Variants in HERC1 observed in about 807,000 individuals in gnomAD.
HERC1 encodes HECT and RLD domain containing E3 ubiquitin protein ligase family member 1, also known as probable E3 ubiquitin-protein ligase HERC1.
HERC1 carries 160 observed loss-of-function variants against 554.3 expected under a neutral mutation model. That is an observed-to-expected ratio of 0.29 (90% CI 0.25 to 0.33). The LOEUF (loss-of-function observed/expected upper bound fraction) is 0.33. Ranked by LOEUF, HERC1 falls within the 10% of genes least tolerant of loss-of-function variation. The probability of loss-of-function intolerance (pLI) is 1.00; values close to 1 mark genes in which losing one functional copy is unlikely to be tolerated. For missense variants in HERC1, 4,919 were observed against 5,918.5 expected (o/e 0.83, Z 5.54); for synonymous variants, 2,175 against 2,131.7 (o/e 1.02, Z -0.56).
chr15:63,829,561 GTATATATA>G (rs60037018), intron 1 of HERC1, among the ~76,000 whole-genome samples: 885 of 81,722 alleles, frequency 0.011, 22 homozygotes, highest in African/African-American at 0.039. Flanking sequence ...GTGTGTGTGT[GTATATATA>G]TATATATATA....
intron 48 of HERC1, among the ~76,000 whole-genome samples, chr15:63,657,266 T>C: frequency 6.6e-6 from 1 of 150,644 alleles, no homozygotes; most frequent in Non-Finnish European, 1.5e-5. Context: ...TTAGGTTTTT[T>C]TTTTTTTTTT....
chr15:63,818,066 G>A (rs1164929345), intron 1 of HERC1, among the ~76,000 whole-genome samples: 1 of 151,986 alleles, frequency 6.6e-6, no homozygotes, highest in African/African-American at 2.4e-5. Flanking sequence ...TAATCAACAT[G>A]CTAAGCTCTC....
Position 63,694,290 on chromosome 15 carries a change from C to T in HERC1, c.5480+22G>A, listed in dbSNP as rs1409300335. ...GAAGACCAGACTTCATACAGTTCTA[C>T]AAAGACATCTACCATACTTACCCAG... On this transcript the variant is annotated intron_variant, in intron 29 of 77. Transcript: ENST00000443617. The surrounding 1 kb of genome is among the most constrained non-coding windows in gnomAD (Gnocchi z 4.3). The T allele has an allele frequency of 1.4e-5, 22 of 1,600,568 alleles. No homozygotes were observed. Among genetic ancestry groups the T allele is most frequent in the Non-Finnish European group, 1.8e-5 (21 of 1,172,732 alleles).
intron 54 of HERC1, among the ~76,000 whole-genome samples, chr15:63,649,072 C>T (rs1374065467): frequency 1.3e-5 from 2 of 152,130 alleles, no homozygotes; most frequent in South Asian, 2.1e-4. Context: ...AATTTCATCT[C>T]GGCCAGGCAC....
chr15:63,709,805 G>T (rs899604894), intron 24 of HERC1, among the ~76,000 whole-genome samples: 3 of 152,136 alleles, frequency 2.0e-5, no homozygotes, highest in African/African-American at 7.2e-5. Flanking sequence ...GGGTTTACTG[G>T]GAAGACATAC....
Position 63,718,625 on chromosome 15 carries a change from A to G in HERC1, c.3927T>C (p.Ala1309=), listed in dbSNP as rs1412702910. 1 of 1,590,914 alleles carries G rather than the reference A, an allele frequency of 6.3e-7. No individual in the cohort carries two copies. Among genetic ancestry groups the G allele is most frequent in the East Asian group, 2.2e-5 (1 of 44,500 alleles). The part of the protein sequence containing the change: ...CVYKVRSRLL[A]CKNLELIQTR... ...TTTGAATAAGTTCAAGGTTCTTGCAAGCAAGTAAACGACTTCGAACTTTGT... is the reference window on the plus strand; with the variant it reads ...TTTGAATAAGTTCAAGGTTCTTGCAGGCAAGTAAACGACTTCGAACTTTGT... The change falls in exon 21 of 78, where the codon GCT becomes GCC. Residue 1309 remains alanine (A), a synonymous_variant. Coordinates refer to ENST00000443617, the MANE Select transcript of HERC1 (RefSeq NM_003922.4). The surrounding 1 kb of genome is among the most constrained non-coding windows in gnomAD (Gnocchi z 4.2).
chr15:63,784,600 T>A (rs1050745177), intron 1 of HERC1, among the ~76,000 whole-genome samples: 15 of 101,614 alleles, frequency 1.5e-4, no homozygotes, highest in African/African-American at 2.0e-4. Flanking sequence ...TGTATTATCA[T>A]GCAAATTTTT....
At chr15:63,627,096 C>T (rs2068333148) in intron 70 of HERC1, among the ~76,000 whole-genome samples, 1 of 152,142 alleles carries the variant, frequency 6.6e-6, no homozygotes, top group South Asian at 2.1e-4. Flanking sequence ...CCTCTGAAGC[C>T]ACTGAGTACC....
At chr15:63,682,011 AG>A (rs2071505355) in intron 34 of HERC1, among the ~76,000 whole-genome samples, 1 of 152,136 alleles carries the variant, frequency 6.6e-6, no homozygotes, top group Non-Finnish European at 1.5e-5. Context: ...TCTGAATGTG[AG>A]GGTGGTCTTG....
rs2071093714 is a variant in HERC1, at chr15:63,674,390, C to A, written c.7798G>T (p.Val2600Leu). 7 of 1,613,704 alleles carry A rather than the reference C, an allele frequency of 4.3e-6. No individual in the cohort carries two copies. The highest frequency in any genetic ancestry group is 5.9e-6 in the Non-Finnish European group (7 of 1,179,802). ...ERAQAMIYKL[V>L]VHGLLEDQFG... ...TGGTCTTCCAAAAGCCCATGAACCA[C>A]TAATTTATAGATCATGGCTTGCGCT... is the stretch of plus-strand genomic sequence containing the variant. The change falls in exon 38 of 78, where the codon GTG becomes TTG. Residue 2600 changes from valine (V) to leucine (L), a missense_variant. Transcript: ENST00000443617.
chr15:63,651,501 A>G (rs2069675281), intron 52 of HERC1, 121 bp from the exon 53 acceptor site: 4 of 897,318 alleles, frequency 4.5e-6, no homozygotes, highest in Non-Finnish European at 6.7e-6. Flanking sequence ...TTCTGTTTCA[A>G]AACCTTGGCT....
chr15:63,766,836 C>A (rs1360410856), intron 2 of HERC1, among the ~76,000 whole-genome samples: 2 of 151,872 alleles, frequency 1.3e-5, no homozygotes, highest in African/African-American at 4.8e-5. Flanking sequence ...AGCCACCATG[C>A]CCAGCTAATT....
chr15:63,654,803 A>T (rs2069924957), intron 50 of HERC1, among the ~76,000 whole-genome samples: 1 of 151,306 alleles, frequency 6.6e-6, no homozygotes. Context: ...TGGGAGACGG[A>T]GGTTGCGGTG....
chr15:63,625,484 A>C (rs555900477), intron 71 of HERC1, among the ~76,000 whole-genome samples: 3 of 152,120 alleles, frequency 2.0e-5, no homozygotes, highest in African/African-American at 7.2e-5. Context: ...ATTTGAGGTC[A>C]GGAGTTCGAG....
intron 2 of HERC1, among the ~76,000 whole-genome samples, chr15:63,767,487 G>T (rs910358369): frequency 6.6e-6 from 1 of 152,000 alleles, no homozygotes; most frequent in African/African-American, 2.4e-5. Context: ...ATCATCTGAG[G>T]TCAGGAGTTA....
chr15:63,771,772 G>C (rs544969213), intron 2 of HERC1, among the ~76,000 whole-genome samples: 2 of 152,024 alleles, frequency 1.3e-5, no homozygotes, highest in Non-Finnish European at 2.9e-5. Context: ...CCCCAATAAG[G>C]AGCTATATTA....
chr15:63,680,647 A>T lies in HERC1; in HGVS notation c.6355T>A (p.Tyr2119Asn), dbSNP rs1311281747. Residue 2119 changes from tyrosine to asparagine, a missense_variant, in exon 35 of 78, where the codon TAT becomes AAT. Transcript: ENST00000443617. The surrounding 1 kb of genome is among the most constrained non-coding windows in gnomAD (Gnocchi z 5.8). ...GTGAGAGTCTGTTCTCCATTGTGAT[A>T]GAGGTTACCACTGTAGGCCCTATAG... ...WLYRAYSGNL[Y>N]HNGEQTLTLS... 3.5e-5 allele frequency: 56 copies of T among 1,613,868 alleles called. No individual in the cohort carries two copies. The highest frequency in any genetic ancestry group is 4.7e-5 in the Non-Finnish European group (56 of 1,179,794).
In HERC1 at chr15:63,640,141, A is replaced by C. The variant is rs926361405; in HGVS notation, c.11901+11T>G. The C allele has an allele frequency of 2.5e-6, 4 of 1,611,234 alleles. No individual in the cohort carries two copies. Among genetic ancestry groups the C allele is most frequent in the Non-Finnish European group, 3.4e-6 (4 of 1,177,788 alleles). ...TCAGCTGCAAATAATAGCAGCTCAC[A>C]GTACATTTACCATTAGAAATACAAG... On this transcript the variant is annotated intron_variant, in intron 61 of 77. Coordinates refer to ENST00000443617, the MANE Select transcript of HERC1 (RefSeq NM_003922.4).
At chr15:63,781,184 G>A (rs74019014) in intron 1 of HERC1, among the ~76,000 whole-genome samples, 1,618 of 151,986 alleles carry the variant, frequency 0.011, 22 homozygotes, top group African/African-American at 0.038. Context: ...ACAATGAAGC[G>A]GAAACCACAG....
Sources: allele counts gnomAD v4.1 joint callset (sites outside exome capture counted in the v4.1 genomes callset), GRCh38; gene constraint gnomAD v4.1.1; non-coding constraint Gnocchi (gnomAD v3.1); transcripts MANE v1.5; gene names NCBI Gene and HGNC (gene_info 2026-07-23, HGNC 2026-07-21).